BAIAP2L2: variants seen among roughly 807,000 people sequenced by gnomAD.
BAIAP2L2 encodes BAR/IMD domain-containing adapter protein 2-like 2.
In BAIAP2L2, 65 loss-of-function variants were observed where a neutral mutation model predicts 60.4. The ratio of observed to expected loss-of-function variants is 1.08; its 90% CI spans 0.88 to 1.32. BAIAP2L2 has a LOEUF of 1.32. Ranked by LOEUF, BAIAP2L2 falls within the 40% of genes most tolerant of loss-of-function variation. The pLI, the probability that BAIAP2L2 is intolerant of heterozygous loss-of-function variation, is 0.00. For missense variants in BAIAP2L2, 836 were observed against 741.2 expected, an observed-to-expected ratio of 1.13 and a Z score of -1.48; for synonymous variants, 344 against 301.7, an observed-to-expected ratio of 1.14 and a Z score of -1.45.
Position 38,098,355 on chromosome 22 carries a change from G to C in BAIAP2L2, c.348+56C>G, listed in dbSNP as rs1003397840. The stretch of plus-strand genomic sequence containing the variant: ...CCTGTGTGTGCCTACCTGTCAAATG[G>C]GAGAGGGGGTCCTGCCTGCAGTGAG... On this transcript the variant is annotated intron_variant, in intron 5 of 13. Coordinates refer to ENST00000381669, the MANE Select transcript of BAIAP2L2 (RefSeq NM_025045.6). 5 of 1,558,924 alleles carry C rather than the reference G, an allele frequency of 3.2e-6. No individual in the cohort carries two copies. The Admixed American group carries it at 8.4e-5, about 26-fold the overall frequency.
intron 10 of BAIAP2L2, 62 bp downstream of exon 10, chr22:38,088,686 G>A: frequency 6.7e-7 from 1 of 1,485,374 alleles, no homozygotes; most frequent in Admixed American, 2.2e-5. Flanking sequence ...AGGTCCCCGG[G>A]TTCCCGGCCC....
In BAIAP2L2 at chr22:38,085,749, G is replaced by T; in HGVS notation, c.1468-17C>A. 6.3e-7 allele frequency: 1 copy of T among 1,587,534 alleles called. No homozygotes were observed. The highest frequency in any genetic ancestry group is 8.6e-7 in the Non-Finnish European group (1 of 1,168,536). On this transcript the variant is annotated splice_polypyrimidine_tract_variant and intron_variant, in intron 12 of 13. Coordinates refer to ENST00000381669, the MANE Select transcript of BAIAP2L2 (RefSeq NM_025045.6). ...CATCAGTTTCTGCAGTGGGGGTGGG[G>T]AAGGGCTGGTTTGGTGGGGAGAGGG...
At chr22:38,088,683 C>T (rs1266365161) in intron 10 of BAIAP2L2, 65 bp downstream of exon 10, 16 of 1,473,986 alleles carry the variant, frequency 1.1e-5, no homozygotes, top group African/African-American at 4.3e-5. Flanking sequence ...GGCAGGTCCC[C>T]GGGTTCCCGG....
chr22:38,109,371 T>C (rs1398153619), intron 1 of BAIAP2L2, among the ~76,000 whole-genome samples, 163 bp from the exon 2 acceptor site: 1 of 152,036 alleles, frequency 6.6e-6, no homozygotes, highest in Non-Finnish European at 1.5e-5. Context: ...TCACCCAGAA[T>C]CCTGGCTCTT....
chr22:38,087,120 G>A lies in BAIAP2L2; in HGVS notation c.1259+4C>T. 6.4e-7 allele frequency: 1 copy of A among 1,562,094 alleles called. No homozygotes were observed. Among genetic ancestry groups the A allele is most frequent in the Non-Finnish European group, 8.6e-7 (1 of 1,156,360 alleles). On this transcript the variant is annotated splice_donor_region_variant and intron_variant, in intron 11 of 13. Transcript: ENST00000381669. ...CCCCGCCCCACCCCTGATGACTCAG[G>A]TACCTGGAAGGCAGCTCGTTCCCGG...
chr22:38,102,994 C>T (rs534320762), intron 4 of BAIAP2L2, among the ~76,000 whole-genome samples: 2 of 150,468 alleles, frequency 1.3e-5, no homozygotes, highest in Non-Finnish European at 3.0e-5. Context: ...TGCAGTGAGC[C>T]GATATCACAC....
Position 38,108,340 on chromosome 22 carries a change from A to T in BAIAP2L2, c.129T>A (p.Ala43=). The T allele has an allele frequency of 6.2e-7, 1 of 1,611,982 alleles. No individual in the cohort carries two copies. The highest frequency in any genetic ancestry group is 8.5e-7 in the Non-Finnish European group (1 of 1,179,572). The change falls in exon 3 of 14, where the codon GCT becomes GCA. Residue 43 remains alanine, a splice_region_variant and synonymous_variant. Transcript: ENST00000381669. ...AGTAGACCTCGGCCGCCTCGGACAG[A>T]GCTGTGGACCAGAAGGGACAGGTCT... ...LGNNYLRAFH[A]LSEAAEVYFS...
chr22:38,097,097 GCCGCTTCTCTT>G lies in BAIAP2L2; in HGVS notation c.536_546del (p.Glu179AlafsTer39). The G allele has an allele frequency of 6.2e-7, 1 of 1,614,096 alleles. No individual in the cohort carries two copies. The highest frequency in any genetic ancestry group is 8.5e-7 in the Non-Finnish European group (1 of 1,180,024). ...TGCTTCTCTGCTAGGAAGCGATAGC[GCCGCTTCTCTT>G]CCAATTCAGCCGCCCGCTGACTCTC... On this transcript the variant is annotated frameshift_variant, in exon 7 of 14. Coordinates refer to ENST00000381669, the MANE Select transcript of BAIAP2L2 (RefSeq NM_025045.6). LOFTEE classifies it high-confidence loss of function.
intron 4 of BAIAP2L2, 131 bp downstream of exon 4, chr22:38,107,721 G>A: frequency 1.2e-6 from 1 of 816,770 alleles, no homozygotes; most frequent in South Asian, 1.5e-5. Flanking sequence ...GTGCCCCACA[G>A]AGCCGGGTGC....
chr22:38,110,483 T>C lies in BAIAP2L2; in HGVS notation c.43A>G (p.Ile15Val), dbSNP rs1271964074. Residue 15 changes from isoleucine to valine, a missense_variant, in exon 1 of 14, where the codon ATC becomes GTC. By Grantham distance (29) the Ile-to-Val change is conservative. Transcript: ENST00000381669. Reference protein sequence around the residue: ...MDQFYRSTMAIYKSIMEQFNP... With the variant: ...MDQFYRSTMAVYKSIMEQFNP... ...GCCACCCATGTGCTCACCTTGTAGA[T>C]GGCCATGGTGGACCTGTAGAACTGG... The C allele has an allele frequency of 1.2e-6, 2 of 1,611,968 alleles. No homozygotes were observed. Among genetic ancestry groups the C allele is most frequent in the African/African-American group, 1.3e-5 (1 of 74,940 alleles).
At chr22:38,099,987 T>C (rs2086531973) in intron 4 of BAIAP2L2, among the ~76,000 whole-genome samples, 1 of 152,196 alleles carries the variant, frequency 6.6e-6, no homozygotes, top group Non-Finnish European at 1.5e-5. Context: ...CAAACTTTGG[T>C]GCCCACTAGT....
Position 38,108,295 on chromosome 22 carries a change from A to G in BAIAP2L2, c.174T>C (p.Ile58=). The G allele has an allele frequency of 1.2e-6, 2 of 1,612,786 alleles. No homozygotes were observed. The highest frequency in any genetic ancestry group is 1.7e-6 in the Non-Finnish European group (2 of 1,179,928). ...TGGGGCTCTGCAGGGCACGCTCCCC[A>G]ATCTTCTGGATGGCACTGAAGTAGA... ...AEVYFSAIQK[I]GERALQSPTS... The change falls in exon 3 of 14, where the codon ATT becomes ATC. Residue 58 remains isoleucine (I), a synonymous_variant. Coordinates refer to ENST00000381669, the MANE Select transcript of BAIAP2L2 (RefSeq NM_025045.6).
At chr22:38,095,373 CTTTT>C (rs1374930470) in intron 7 of BAIAP2L2, among the ~76,000 whole-genome samples, 1 of 150,976 alleles carries the variant, frequency 6.6e-6, no homozygotes, top group Admixed American at 6.6e-5. Context: ...ATTATCTCAT[CTTTT>C]TTTTTGAGAC....
rs1569214718 is a variant in BAIAP2L2, at chr22:38,086,436, GGAGT to G, written c.1269_1272del (p.Leu424GlyfsTer17). The G allele has an allele frequency of 1.3e-6, 2 of 1,508,062 alleles. No homozygotes were observed. The highest frequency in any genetic ancestry group is 4.9e-5 in the East Asian group (2 of 40,676). The allele number at this position is 1,508,062 out of a possible 1,614,324, so 93.4% of individuals were successfully genotyped here. A position where few individuals can be genotyped will look rare whatever the true frequency, so the allele number is the denominator to read the frequency against. On this transcript the variant is annotated frameshift_variant, in exon 12 of 14. Coordinates refer to ENST00000381669, the MANE Select transcript of BAIAP2L2 (RefSeq NM_025045.6). LOFTEE classifies it high-confidence loss of function. ...AGGTCATCGAGGCTGTGGCTGCCCC[GGAGT>G]GGGTAGGACCTAAGTCCAGAGAAAG... is the stretch of plus-strand genomic sequence containing the variant.
rs899570690 is a variant in BAIAP2L2 at position 38,087,178 on chromosome 22, A to C, written c.1205T>G (p.Met402Arg). 2 of 1,601,884 alleles carry C rather than the reference A, an allele frequency of 1.2e-6. No homozygotes were observed. Among genetic ancestry groups the C allele is most frequent in the South Asian group, 1.1e-5 (1 of 89,110 alleles). Reference protein sequence around the residue: ...PMTPVTPMTSMTSMSPMTPMN... With the variant: ...PMTPVTPMTSRTSMSPMTPMN... ...GGGTGTCATGGGGGACATGGAGGTC[A>C]TGGAGGTCATGGGGGTCACGGGGGT... The change falls in exon 11 of 14, where the codon ATG becomes AGG. Residue 402 changes from methionine to arginine, a missense_variant. Transcript: ENST00000381669.
rs1249341915 is a variant in BAIAP2L2 at position 38,088,934 on chromosome 22, G to A, written c.932C>T (p.Ser311Leu). 5 of 1,539,638 alleles carry A rather than the reference G, an allele frequency of 3.2e-6. No homozygotes were observed. Among genetic ancestry groups the A allele is most frequent in the Admixed American group, 2.0e-5 (1 of 51,254 alleles). Residue 311 changes from serine to leucine, a missense_variant, in exon 10 of 14, where the codon TCG becomes TTG. Transcript: ENST00000381669. ...GCGCTCGCCAAAGGAGTTGGAGCGC[G>A]AGCTTTGGGCGCTGCCGCTGTAGAG... The part of the protein sequence containing the change: ...SSLYSGSAQS[S>L]RSNSFGERPG...
At chr22:38,107,629 T>C (rs1228475721) in intron 4 of BAIAP2L2, among the ~76,000 whole-genome samples, 1 of 152,122 alleles carries the variant, frequency 6.6e-6, no homozygotes, top group Middle Eastern at 3.2e-3. Context: ...TGAGACTCAG[T>C]TTCTTCCTCT....
rs1241489239 is a variant in BAIAP2L2, at chr22:38,086,989, C to CT, written c.1259+134dup. On this transcript the variant is annotated intron_variant, in intron 11 of 13. Transcript: ENST00000381669. ...CCAGCCTGGGTGACAGGGTGAGACT[C>CT]TGTCTCAAAAAAAAAAAAACAAAAC... 20 of 1,117,708 alleles carry CT rather than the reference C, an allele frequency of 1.8e-5. No individual in the cohort carries two copies. In the African/African-American group the frequency reaches 2.9e-4, roughly 16 times the overall value. 69.2% of individuals were successfully genotyped at this position (1,117,708 alleles called of 1,614,324 possible).
intron 4 of BAIAP2L2, among the ~76,000 whole-genome samples, chr22:38,103,634 G>A (rs1242468837): frequency 6.6e-6 from 1 of 152,066 alleles, no homozygotes; most frequent in Non-Finnish European, 1.5e-5. Flanking sequence ...AGGCTAAACT[G>A]GGCAGATCAT....
Sources: gnomAD v4.1 joint callset for allele counts (sites outside exome capture counted in the v4.1 genomes callset) on GRCh38, gnomAD v4.1.1 for gene constraint, MANE v1.5 for transcripts, NCBI Gene and HGNC (gene_info 2026-07-23, HGNC 2026-07-21) for gene names.